Variants in PEPD observed in about 807,000 individuals in gnomAD.
The protein encoded by PEPD is xaa-Pro dipeptidase.
Under a neutral mutation model 60.7 loss-of-function variants are expected in PEPD, and 53 were observed. The ratio of observed to expected loss-of-function variants is 0.87; its 90% CI spans 0.70 to 1.10. The LOEUF is 1.10. PEPD is among the 50% of genes least tolerant of loss of function. The pLI is 0.00. For missense variants in PEPD, 711 were observed against 711.9 expected, an observed-to-expected ratio of 1.00 and a Z score of 0.01; for synonymous variants, 267 against 284.1, an observed-to-expected ratio of 0.94 and a Z score of 0.60.
chr19:33,402,708 GT>G (rs1370037220), intron 11 of PEPD, among the ~76,000 whole-genome samples: 1 of 152,186 alleles, frequency 6.6e-6, no homozygotes, highest in African/African-American at 2.4e-5. Flanking sequence ...GCACCCTCCG[GT>G]GGCAGGCAGA....
chr19:33,447,825 CCATCCTCCATGCCACAGACAG>C (rs1969620104), intron 9 of PEPD, among the ~76,000 whole-genome samples: 1 of 152,174 alleles, frequency 6.6e-6, no homozygotes, highest in Non-Finnish European at 1.5e-5. Context: ...CCCACACTGC[CCATCCTCCATGCCACAGACAG>C]AGTCCAAACC....
At chr19:33,393,963 G>T (rs1046550869) in intron 12 of PEPD, among the ~76,000 whole-genome samples, 2 of 152,238 alleles carry the variant, frequency 1.3e-5, no homozygotes, top group African/African-American at 2.4e-5. Flanking sequence ...AGACCTTCCT[G>T]CCTTGCTGTC....
chr19:33,422,740 C>A (rs150816341), intron 9 of PEPD, among the ~76,000 whole-genome samples: 56 of 151,784 alleles, frequency 3.7e-4, no homozygotes, highest in Non-Finnish European at 6.2e-4. Context: ...CTCTATCAAT[C>A]ATCTATTTCT....
At chr19:33,507,884 C>G (rs113510349) in intron 3 of PEPD, among the ~76,000 whole-genome samples, 6 of 152,236 alleles carry the variant, frequency 3.9e-5, no homozygotes, top group African/African-American at 1.4e-4. Context: ...AACGGAGAGG[C>G]CTGCTCGGGG....
intron 6 of PEPD, among the ~76,000 whole-genome samples, chr19:33,480,082 AC>A (rs112717214): frequency 6.6e-6 from 1 of 152,278 alleles, no homozygotes; most frequent in East Asian, 1.9e-4. Flanking sequence ...AGCATCTGTT[AC>A]TTTTTGACTT....
intron 4 of PEPD, among the ~76,000 whole-genome samples, chr19:33,496,170 C>G (rs914464650): frequency 3.9e-5 from 6 of 152,106 alleles, no homozygotes; most frequent in African/African-American, 1.4e-4. Context: ...ATTACAGCAG[C>G]TGAATCAGAA....
At chr19:33,514,853 C>T (rs1970996991) in intron 1 of PEPD, among the ~76,000 whole-genome samples, 1 of 152,056 alleles carries the variant, frequency 6.6e-6, no homozygotes, top group South Asian at 2.1e-4. Flanking sequence ...TCCTCCCTCT[C>T]CTCCTGCCCC....
chr19:33,475,063 T>C (rs896549696), intron 7 of PEPD, among the ~76,000 whole-genome samples: 9 of 151,920 alleles, frequency 5.9e-5, no homozygotes, highest in Admixed American at 5.2e-4. Flanking sequence ...GTGAGGAAAC[T>C]GAGGCTGGGT....
intron 12 of PEPD, among the ~76,000 whole-genome samples, chr19:33,398,003 G>A (rs1249928658): frequency 1.3e-5 from 2 of 152,218 alleles, no homozygotes; most frequent in Non-Finnish European, 2.9e-5. Context: ...CCAGGCCGCA[G>A]CAGGCTTTCC....
intron 9 of PEPD, among the ~76,000 whole-genome samples, chr19:33,439,472 G>A (rs561004853): frequency 7.4e-4 from 112 of 152,362 alleles, no homozygotes; most frequent in Admixed American, 2.8e-3. Context: ...CTGGGAGTGC[G>A]TGGGCCTAGG....
At chr19:33,388,567 C>A in intron 13 of PEPD, 1 of 262,134 alleles carries the variant, frequency 3.8e-6, no homozygotes, top group South Asian at 4.6e-5. Context: ...TCCCCTAGGC[C>A]GAGGCCCAGA....
At chr19:33,413,553 G>A in intron 10 of PEPD, 22 bp downstream of exon 10, 1 of 1,476,268 alleles carries the variant, frequency 6.8e-7, no homozygotes, top group Non-Finnish European at 9.3e-7. Flanking sequence ...CACCCCCAGG[G>A]GAGCCAGGGT....
chr19:33,520,002 G>A (rs536480446), intron 1 of PEPD, among the ~76,000 whole-genome samples: 1 of 152,056 alleles, frequency 6.6e-6, no homozygotes, highest in African/African-American at 2.4e-5. Flanking sequence ...GGGAGGTGGA[G>A]GTTGCAGTGA....
intron 1 of PEPD, among the ~76,000 whole-genome samples, chr19:33,514,869 T>A: frequency 6.6e-6 from 1 of 152,002 alleles, no homozygotes; most frequent in Non-Finnish European, 1.5e-5. Flanking sequence ...GCCCCTAGCC[T>A]CATGTGCCTG....
intron 3 of PEPD, among the ~76,000 whole-genome samples, chr19:33,506,144 C>T (rs1177246555): frequency 2.1e-5 from 3 of 145,416 alleles, no homozygotes; most frequent in Non-Finnish European, 4.5e-5. Flanking sequence ...ACACACAACA[C>T]AGCACATTCA....
chr19:33,499,399 C>A (rs995090842), intron 4 of PEPD, among the ~76,000 whole-genome samples: 2 of 152,166 alleles, frequency 1.3e-5, no homozygotes, highest in Non-Finnish European at 2.9e-5. Flanking sequence ...CACCACCCTG[C>A]GGTGACTGTT....
intron 10 of PEPD, among the ~76,000 whole-genome samples, chr19:33,412,655 C>T (rs1384857723): frequency 6.6e-6 from 1 of 152,246 alleles, no homozygotes; most frequent in African/African-American, 2.4e-5. Context: ...GCTCAGGAGT[C>T]TTGGGAATCA....
In PEPD at chr19:33,387,056, A is replaced by G. The variant is rs1968084862; in HGVS notation, c.*288T>C. On this transcript the variant is annotated 3_prime_UTR_variant, in exon 15 of 15. Transcript: ENST00000244137. Reference sequence around the variant, plus strand: ...TGGGAAAAGGAATATAAATGACAGCAAGACACATTTTAGTTGCTACTAAAG... The same window carrying G: ...TGGGAAAAGGAATATAAATGACAGCGAGACACATTTTAGTTGCTACTAAAG... 1 of 472,744 alleles carries G rather than the reference A, an allele frequency of 2.1e-6. No individual in the cohort carries two copies. Among genetic ancestry groups the G allele is most frequent in the Admixed American group, 3.7e-5 (1 of 26,884 alleles). 29.3% of individuals were successfully genotyped at this position (472,744 alleles called of 1,614,324 possible). A position where few individuals can be genotyped will look rare whatever the true frequency, so the allele number is the denominator to read the frequency against.
chr19:33,448,464 A>T (rs1969634333), intron 9 of PEPD, among the ~76,000 whole-genome samples: 2 of 152,212 alleles, frequency 1.3e-5, no homozygotes, highest in Admixed American at 1.3e-4. Context: ...CCAGCTCCAG[A>T]GGCCTGGAGG....
Sources: gnomAD v4.1 joint callset for allele counts (sites outside exome capture counted in the v4.1 genomes callset) on GRCh38, gnomAD v4.1.1 for gene constraint, MANE v1.5 for transcripts, NCBI Gene and HGNC (gene_info 2026-07-23, HGNC 2026-07-21) for gene names.